PER3: variants seen among roughly 807,000 people sequenced by gnomAD.
PER3 encodes period circadian protein homolog 3.
PER3 carries 107 observed loss-of-function variants against 127.2 expected under a neutral mutation model. That is an observed-to-expected ratio of 0.84 (90% CI 0.72 to 0.99). The LOEUF (loss-of-function observed/expected upper bound fraction) is 0.99, where lower values mean the gene tolerates loss of function less well. Among genes scored for constraint, PER3 ranks in the 50% least tolerant of loss-of-function variants. PER3 has a pLI of 0.00. For missense variants in PER3, 1,560 were observed against 1,525.8 expected, an observed-to-expected ratio of 1.02 and a Z score of -0.37; for synonymous variants, 618 against 585.8, an observed-to-expected ratio of 1.05 and a Z score of -0.79.
chr1:7,798,304 A>G (rs2097154860), intron 6 of PER3, among the ~76,000 whole-genome samples: 1 of 152,172 alleles, frequency 6.6e-6, no homozygotes, highest in African/African-American at 2.4e-5. Context: ...TTTTACACTC[A>G]CAGTAATCTA....
At chr1:7,796,298 G>A (rs1333372795) in intron 6 of PER3, among the ~76,000 whole-genome samples, 1 of 146,494 alleles carries the variant, frequency 6.8e-6, no homozygotes, top group African/African-American at 2.5e-5. Context: ...AACAGAGGTA[G>A]GAAACGTTCA....
intron 6 of PER3, among the ~76,000 whole-genome samples, chr1:7,794,914 T>A (rs757818477): frequency 2.6e-5 from 4 of 151,412 alleles, no homozygotes; most frequent in African/African-American, 9.7e-5. Context: ...TAAGATGATA[T>A]AATAATATGT....
chr1:7,835,884 A>T lies in PER3; in HGVS notation c.3337A>T (p.Ile1113Phe), dbSNP rs142562872. 1 of 1,611,902 alleles carries T rather than the reference A, an allele frequency of 6.2e-7. No homozygotes were observed. Among genetic ancestry groups the T allele is most frequent in the African/African-American group, 1.3e-5 (1 of 75,014 alleles). The change falls in exon 20 of 22, where the codon ATC becomes TTC. Residue 1113 changes from isoleucine to phenylalanine, a missense_variant. Ile to Phe is a conservative substitution (Grantham distance 21). Around this residue, in one of 3 missense-constraint regions of PER3, gnomAD observed 199 missense variants for 198.6 expected, o/e 1.00. Coordinates refer to ENST00000377532, the MANE Select transcript of PER3 (RefSeq NM_001377275.1). ...ATTTCCTAATGTCGCCGAAGAGCCC[A>T]TCTGGAGAATGATACGGCAGACACC... ...ETFPNVAEEP[I>F]WRMIRQTPER...
intron 10 of PER3, 100 bp downstream of exon 10, chr1:7,803,948 A>T: frequency 1.1e-6 from 1 of 936,102 alleles, no homozygotes; most frequent in Non-Finnish European, 1.6e-6. Context: ...ACATAAACTA[A>T]ATAAAGCACA....
chr1:7,784,955 G>A lies in PER3; in HGVS notation c.78G>A (p.Arg26=). The change falls in exon 2 of 22, where the codon CGG becomes CGA. Residue 26 remains arginine (R), a synonymous_variant. Coordinates refer to ENST00000377532, the MANE Select transcript of PER3 (RefSeq NM_001377275.1). ...DEALGEESGE[R]WSPEFHLQRK... ...CCCTGGGCGAAGAATCGGGGGAGCG[G>A]TGGAGCCCCGAGTTCCATCTGCAGA... The A allele has an allele frequency of 6.5e-7, 1 of 1,548,000 alleles. No homozygotes were observed. Among genetic ancestry groups the A allele is most frequent in the South Asian group, 1.2e-5 (1 of 81,038 alleles).
chr1:7,785,301 A>G (rs2150400148), intron 2 of PER3, 140 bp from the exon 3 acceptor site: 3 of 675,264 alleles, frequency 4.4e-6, no homozygotes, highest in Non-Finnish European at 7.7e-6. Flanking sequence ...TTCCCCACCT[A>G]GAGGAAGAGG....
intron 21 of PER3, among the ~76,000 whole-genome samples, chr1:7,841,477 A>G (rs1158938707): frequency 6.6e-6 from 1 of 152,140 alleles, no homozygotes; most frequent in Non-Finnish European, 1.5e-5. Context: ...TGCCTTGTCC[A>G]AGGTCAGGGA....
Position 7,837,105 on chromosome 1 carries a change from A to T in PER3, c.3505A>T (p.Asn1169Tyr). The T allele has an allele frequency of 6.2e-7, 1 of 1,614,076 alleles. No individual in the cohort carries two copies. The highest frequency in any genetic ancestry group is 1.1e-5 in the South Asian group (1 of 91,068). The part of the protein sequence containing the change: ...GQKEELAKVY[N>Y]WIQSQTVTQE... ...AAAGGAGGAGCTGGCTAAGGTGTAT[A>T]ATTGGATTCAAAGCCAGACTGTCAC... The change falls in exon 21 of 22, where the codon AAT (asparagine) becomes TAT (tyrosine). Residue 1169 changes from asparagine to tyrosine, a missense_variant. Physicochemically the swap from Asn to Tyr is moderately radical, Grantham distance 143. Coordinates refer to ENST00000377532, the MANE Select transcript of PER3 (RefSeq NM_001377275.1).
At chr1:7,830,922 T>C (rs1287545864) in intron 19 of PER3, among the ~76,000 whole-genome samples, 6 of 152,250 alleles carry the variant, frequency 3.9e-5, no homozygotes, top group African/African-American at 1.2e-4. Context: ...TTCAACTTAA[T>C]TCTTCTTTTC....
At position 7,830,136 on chromosome 1, in the gene PER3, A is replaced by G. The variant is rs371430284; in HGVS notation, c.3189A>G (p.Pro1063=). The G allele has an allele frequency of 1.2e-6, 2 of 1,614,010 alleles. No individual in the cohort carries two copies. The highest frequency in any genetic ancestry group is 1.7e-6 in the Non-Finnish European group (2 of 1,179,962). Residue 1063 remains proline, a synonymous_variant, in exon 19 of 22, where the codon CCA becomes CCG. Coordinates refer to ENST00000377532, the MANE Select transcript of PER3 (RefSeq NM_001377275.1). The stretch of plus-strand genomic sequence containing the variant: ...CGGGGTCACCTCCCAGCGAATCCCC[A>G]TCCAGAACTGGTTCAGCAGCATCAG... ...LSTGSPPSES[P]SRTGSAASGS...
chr1:7,784,663 C>T lies in PER3; in HGVS notation c.-215C>T. 1 of 471,890 alleles carries T rather than the reference C, an allele frequency of 2.1e-6. No individual in the cohort carries two copies. 29.2% of individuals were successfully genotyped at this position (471,890 alleles called of 1,614,324 possible). A position where few individuals can be genotyped will look rare whatever the true frequency, so the allele number is the denominator to read the frequency against. On this transcript the variant is annotated 5_prime_UTR_variant, in exon 2 of 22. Transcript: ENST00000377532. The stretch of plus-strand genomic sequence containing the variant: ...TGTCTCCTCCCCCTAGGCCGGAGTC[C>T]TGAAAGTCGAGCGAGCTCCGGGTTT...
intron 13 of PER3, among the ~76,000 whole-genome samples, chr1:7,812,284 A>G (rs987282297): frequency 2.6e-5 from 4 of 151,684 alleles, no homozygotes; most frequent in East Asian, 1.9e-4. Context: ...TTTGAAGGCT[A>G]TATCTTTAAG....
At chr1:7,797,641 A>C (rs990721703) in intron 6 of PER3, among the ~76,000 whole-genome samples, 1 of 151,906 alleles carries the variant, frequency 6.6e-6, no homozygotes, top group Non-Finnish European at 1.5e-5. Flanking sequence ...GTCTTTAAAA[A>C]AAAAAAAAAA....
At chr1:7,822,975 A>G (rs138935227) in intron 16 of PER3, among the ~76,000 whole-genome samples, 12 of 152,152 alleles carry the variant, frequency 7.9e-5, no homozygotes, top group South Asian at 2.1e-4. Context: ...AGGAGGATCA[A>G]TTGAGCCTAG....
In PER3 at chr1:7,798,638, T is replaced by G. The variant is rs1337127675; in HGVS notation, c.758T>G (p.Leu253Arg). Residue 253 changes from leucine to arginine, a missense_variant, in exon 7 of 22, where the codon CTC becomes CGC. This residue lies in a region of PER3 where 1,332 missense variants were observed against 1,223.6 expected (regional missense o/e 1.09). Transcript: ENST00000377532. ...QPELESEPCC[L>R]TVVEKIHSGY... is the part of the protein sequence containing the mutation. ...GAATTGGAATCGGAACCTTGCTGTC[T>G]CACTGTGGTTGAAAAGATTCACTCT... The G allele has an allele frequency of 1.2e-6, 2 of 1,613,952 alleles. No individual in the cohort carries two copies. The highest frequency in any genetic ancestry group is 3.3e-5 in the Admixed American group (2 of 60,020).
intron 21 of PER3, 139 bp from the exon 22 acceptor site, chr1:7,842,533 A>G: frequency 1.2e-6 from 1 of 807,822 alleles, no homozygotes; most frequent in South Asian, 4.6e-5. Flanking sequence ...TAATAATAAT[A>G]AAGAATGAAC....
In PER3 at chr1:7,810,028, G is replaced by A. The variant is rs748908831; in HGVS notation, c.1371+7G>A. ...GGAGACGAAGGCGGAGCAGGTGCATGGGCTTATGTCACATTCTTATACAGG... is the reference window on the plus strand; with the variant it reads ...GGAGACGAAGGCGGAGCAGGTGCATAGGCTTATGTCACATTCTTATACAGG... On this transcript the variant is annotated splice_region_variant and intron_variant, in intron 12 of 21. Coordinates refer to ENST00000377532, the MANE Select transcript of PER3 (RefSeq NM_001377275.1). The A allele has an allele frequency of 3.7e-6, 6 of 1,611,856 alleles. No individual in the cohort carries two copies. The Admixed American group carries it at 6.7e-5, about 18-fold the overall frequency.
intron 10 of PER3, among the ~76,000 whole-genome samples, chr1:7,807,646 C>T (rs1470043651): frequency 6.6e-6 from 1 of 152,136 alleles, no homozygotes; most frequent in Non-Finnish European, 1.5e-5. Context: ...CTTTGTGTAT[C>T]GGGGATAATT....
Position 7,784,853 on chromosome 1 carries a change from CGTG to C in PER3, c.-23_-21del, listed in dbSNP as rs769433612. 4.3e-5 allele frequency: 63 copies of C among 1,455,772 alleles called. No individual in the cohort carries two copies. In the South Asian group the frequency reaches 9.7e-4, roughly 22 times the overall value. The allele number at this position is 1,455,772 out of a possible 1,614,324, so 90.2% of individuals were successfully genotyped here. A position where few individuals can be genotyped will look rare whatever the true frequency, so the allele number is the denominator to read the frequency against. On this transcript the variant is annotated 5_prime_UTR_variant, in exon 2 of 22. Transcript: ENST00000377532. ...CAGGCTGCGGGCCGTCCCAGCACGA[CGTG>C]GAGCCCCGCGGAGACCTCGAGATGC...
Sources: allele counts gnomAD v4.1 joint callset (sites outside exome capture counted in the v4.1 genomes callset), GRCh38; gene constraint gnomAD v4.1.1; regional missense constraint gnomAD v4.1.1; transcripts MANE v1.5; gene names NCBI Gene and HGNC (gene_info 2026-07-23, HGNC 2026-07-21).